FAT3: variants seen among roughly 807,000 people sequenced by gnomAD.
The protein encoded by FAT3 is FAT atypical cadherin 3, also known as protocadherin Fat 3.
A neutral mutation model predicts 310.2 loss-of-function variants in FAT3; 95 were observed. The ratio of observed to expected loss-of-function variants is 0.31; its 90% CI spans 0.26 to 0.36. The LOEUF is 0.36. FAT3 is among the 10% of genes least tolerant of loss of function. FAT3 has a pLI of 1.00. For synonymous variants in FAT3, 2,314 were observed against 2,192.9 expected, an observed-to-expected ratio of 1.06 and a Z score of -1.54; for missense variants, 5,408 against 5,715.6, an observed-to-expected ratio of 0.95 and a Z score of 1.74.
chr11:92,406,281 A>T (rs1187049231), intron 2 of FAT3, among the ~76,000 whole-genome samples: 50 of 152,282 alleles, frequency 3.3e-4, no homozygotes, highest in Non-Finnish European at 1.6e-4. Context: ...ACTTTCTATC[A>T]CATTGTCTTA....
intron 3 of FAT3, among the ~76,000 whole-genome samples, chr11:92,641,585 A>G (rs922071960): frequency 6.6e-6 from 1 of 151,170 alleles, no homozygotes; most frequent in African/African-American, 2.4e-5. Flanking sequence ...ATTGCTTTCC[A>G]CTCCATGTTC....
At position 92,434,041 on chromosome 11, in the gene FAT3, C is replaced by T. The variant is rs543271380; in HGVS notation, c.3292+78637C>T. On this transcript the variant is annotated intron_variant, in intron 2 of 27. Transcript: ENST00000525166. ...AAAAAAAAAAAAAAAGAAGAACCAT[C>T]ACTGTGGATTGAGAGGGTTGAACTT... is the stretch of plus-strand genomic sequence containing the variant. 3.0e-4 allele frequency among the ~76,000 whole-genome samples: 44 copies of T among 146,256 alleles called. No individual in the cohort carries two copies. In the South Asian group the frequency reaches 9.1e-3, roughly 30 times the overall value.
chr11:92,667,888 T>C (rs537791107), intron 3 of FAT3, among the ~76,000 whole-genome samples: 4 of 152,212 alleles, frequency 2.6e-5, no homozygotes, highest in African/African-American at 4.8e-5. Flanking sequence ...TAAAAGTGGA[T>C]CATGTGCATC....
chr11:92,266,033 G>A (rs1461316130), intron 1 of FAT3, among the ~76,000 whole-genome samples: 1 of 151,874 alleles, frequency 6.6e-6, no homozygotes. Context: ...TTTAACATTT[G>A]TCCCAGCTAA....
intron 3 of FAT3, among the ~76,000 whole-genome samples, chr11:92,588,295 G>T (rs1299401708): frequency 6.6e-6 from 1 of 151,396 alleles, no homozygotes; most frequent in Admixed American, 6.6e-5. Flanking sequence ...TTTTTTGTTT[G>T]CTTTTTACAA....
chr11:92,735,041 G>A (rs905276923), intron 4 of FAT3, among the ~76,000 whole-genome samples: 1 of 152,110 alleles, frequency 6.6e-6, no homozygotes, highest in Admixed American at 6.6e-5. Flanking sequence ...CTAATTAAAT[G>A]TGATAATAAA....
intron 3 of FAT3, among the ~76,000 whole-genome samples, chr11:92,640,855 T>C (rs1476434233): frequency 2.0e-5 from 3 of 152,188 alleles, no homozygotes; most frequent in African/African-American, 7.2e-5. Flanking sequence ...TGAATGTGGC[T>C]TCCTGTCCAT....
rs138358891 is a variant in FAT3 at position 92,229,006 on chromosome 11, T to C, written c.-18+3832T>C. 2.9e-3 allele frequency among the ~76,000 whole-genome samples: 435 copies of C among 152,328 alleles called. 4 individuals carry two copies. Among genetic ancestry groups the C allele is most frequent in the African/African-American group, 9.9e-3 (413 of 41,572 alleles). On this transcript the variant is annotated intron_variant, in intron 1 of 27. Transcript: ENST00000525166. ...GACTATTGATGAACCACTTCTTTGC[T>C]GATTGTGGCAAACATTAGAATTGGA...
chr11:92,343,231 G>T (rs958712449), intron 1 of FAT3, among the ~76,000 whole-genome samples: 20 of 152,130 alleles, frequency 1.3e-4, no homozygotes, highest in African/African-American at 4.3e-4. Context: ...GAAAAAGCTA[G>T]AATTTACAGT....
At chr11:92,714,003 G>A (rs911567061) in intron 4 of FAT3, among the ~76,000 whole-genome samples, 1 of 124,304 alleles carries the variant, frequency 8.0e-6, no homozygotes, top group Non-Finnish European at 1.6e-5. Flanking sequence ...AGAACCTTGA[G>A]GATACTTTTG....
At chr11:92,492,678 C>T (rs1257039263) in intron 2 of FAT3, among the ~76,000 whole-genome samples, 1 of 152,002 alleles carries the variant, frequency 6.6e-6, no homozygotes, top group Non-Finnish European at 1.5e-5. Context: ...TAATTGATAC[C>T]ACATGGTCCC....
At chr11:92,388,661 G>T (rs1163814362) in intron 2 of FAT3, among the ~76,000 whole-genome samples, 1 of 152,124 alleles carries the variant, frequency 6.6e-6, no homozygotes, top group African/African-American at 2.4e-5. Context: ...TGGTAGTTCT[G>T]ACCTGAAGAA....
chr11:92,642,736 T>A (rs1942007211), intron 3 of FAT3, among the ~76,000 whole-genome samples: 1 of 152,226 alleles, frequency 6.6e-6, no homozygotes. Flanking sequence ...ATGTCATGAC[T>A]GACACTTCCC....
intron 3 of FAT3, among the ~76,000 whole-genome samples, chr11:92,659,274 A>G (rs1942690065): frequency 6.6e-6 from 1 of 152,188 alleles, no homozygotes; most frequent in African/African-American, 2.4e-5. Flanking sequence ...TTGATTCCCA[A>G]GTTCTTGTTA....
At chr11:92,449,263 G>A (rs1160611878) in intron 2 of FAT3, among the ~76,000 whole-genome samples, 1 of 152,160 alleles carries the variant, frequency 6.6e-6, no homozygotes, top group African/African-American at 2.4e-5. Context: ...GTTGGTGGAT[G>A]CAGGTTAGTG....
chr11:92,858,593 A>G (rs992500163), intron 20 of FAT3, among the ~76,000 whole-genome samples: 1 of 152,240 alleles, frequency 6.6e-6, no homozygotes, highest in African/African-American at 2.4e-5. Flanking sequence ...AGTTGGACAA[A>G]ATTTAAGGGG....
intron 1 of FAT3, among the ~76,000 whole-genome samples, chr11:92,247,645 A>G (rs1199390383): frequency 2.0e-5 from 3 of 151,790 alleles, no homozygotes; most frequent in Non-Finnish European, 2.9e-5. Context: ...ATTGACGAAC[A>G]TTTGCTGGCA....
intron 3 of FAT3, among the ~76,000 whole-genome samples, chr11:92,583,179 A>G (rs1938912286): frequency 6.6e-6 from 1 of 152,082 alleles, no homozygotes. Context: ...AGTGGATCTA[A>G]TTAGCATTAC....
intron 3 of FAT3, among the ~76,000 whole-genome samples, chr11:92,651,771 T>C (rs1391302814): frequency 6.6e-6 from 1 of 152,188 alleles, no homozygotes; most frequent in African/African-American, 2.4e-5. Context: ...GGAATGCGAA[T>C]CCACCAGGTC....
Sources: allele counts gnomAD v4.1 joint callset (sites outside exome capture counted in the v4.1 genomes callset), GRCh38; gene constraint gnomAD v4.1.1; transcripts MANE v1.5; gene names NCBI Gene and HGNC (gene_info 2026-07-23, HGNC 2026-07-21).